The following RNFT1 variants were observed in gnomAD, a reference collection of about 807,000 sequenced individuals.
The protein encoded by RNFT1 is ring finger protein, transmembrane 1.
RNFT1 carries 35 observed loss-of-function variants against 53.2 expected under a neutral mutation model. The observed-to-expected ratio is 0.66, with a 90% CI of 0.50 to 0.87. The LOEUF is 0.87. RNFT1 is among the 40% of genes least tolerant of loss of function. The pLI is 0.00. For synonymous variants in RNFT1, 141 were observed against 172.8 expected, an observed-to-expected ratio of 0.82 and a Z score of 1.44; for missense variants, 421 against 515.0, an observed-to-expected ratio of 0.82 and a Z score of 1.77.
intron 3 of RNFT1, 26 bp downstream of exon 3, chr17:59,962,514 A>T (rs1292607314): frequency 7.0e-7 from 1 of 1,428,960 alleles, no homozygotes; most frequent in East Asian, 2.3e-5. Context: ...ACAGTTAATA[A>T]TTTTTTAGTT....
chr17:59,961,925 G>T (rs2045295990), intron 3 of RNFT1, among the ~76,000 whole-genome samples: 1 of 118,142 alleles, frequency 8.5e-6, no homozygotes, highest in Non-Finnish European at 1.6e-5. Flanking sequence ...TCGTTCTGTA[G>T]CCCACGCTGG....
intron 6 of RNFT1, 24 bp downstream of exon 6, chr17:59,957,200 G>A: frequency 1.2e-6 from 2 of 1,600,914 alleles, no homozygotes; most frequent in South Asian, 1.1e-5. Flanking sequence ...ATCATGCAGT[G>A]ACAAGATTTG....
In RNFT1 at chr17:59,960,058, C is replaced by T. The variant is rs759415109; in HGVS notation, c.692+10G>A. 34 of 1,582,354 alleles carry T rather than the reference C, an allele frequency of 2.1e-5. No individual in the cohort carries two copies. Among genetic ancestry groups the T allele is most frequent in the Non-Finnish European group, 2.9e-5 (34 of 1,167,354 alleles). On this transcript the variant is annotated intron_variant, in intron 4 of 8. Transcript: ENST00000305783. ...TAAAAATGTAATTGTGTATTTGGAC[C>T]TCTAATTACCTGTAATAAAGTGACT... is the stretch of plus-strand genomic sequence containing the variant.
intron 1 of RNFT1, among the ~76,000 whole-genome samples, chr17:59,963,929 CATAG>C (rs1168339873): frequency 2.6e-5 from 4 of 152,078 alleles, no homozygotes; most frequent in South Asian, 2.1e-4. Flanking sequence ...ACATTTAAAG[CATAG>C]ATACTTTGGA....
intron 5 of RNFT1, among the ~76,000 whole-genome samples, chr17:59,957,843 TCAAAA>T (rs1423973972): frequency 2.0e-5 from 3 of 151,848 alleles, no homozygotes; most frequent in Non-Finnish European, 4.4e-5. Flanking sequence ...AGAGACAATC[TCAAAA>T]CAAAACAAAA....
rs376215881 is a variant in RNFT1, at chr17:59,963,219, T to C, written c.122A>G (p.Asn41Ser). 2.0e-5 allele frequency: 33 copies of C among 1,613,984 alleles called. No homozygotes were observed. In the African/African-American group the frequency reaches 2.8e-4, roughly 14 times the overall value. The change falls in exon 2 of 9, where the codon AAT (asparagine) becomes AGT (serine). Residue 41 changes from asparagine (N) to serine (S), a missense_variant. Asn to Ser is a conservative substitution (Grantham distance 46). Transcript: ENST00000305783. ...EKKYLRAMQANRSQLHSPPGT... is the reference protein window; with the variant it reads ...EKKYLRAMQASRSQLHSPPGT... ...TGGAGGACTGTGCAGTTGGCTACGATTGGCTTGCATGGCCCTTAAATACTT... is the reference window on the plus strand; with the variant it reads ...TGGAGGACTGTGCAGTTGGCTACGACTGGCTTGCATGGCCCTTAAATACTT...
At chr17:59,953,993 A>C (rs1033190483) in intron 8 of RNFT1, 52 bp downstream of exon 8, 2 of 1,148,722 alleles carry the variant, frequency 1.7e-6, no homozygotes. Context: ...TGACTTTTGC[A>C]AGTCACAGAG....
intron 5 of RNFT1, 24 bp downstream of exon 5, chr17:59,958,267 A>G (rs560879545): frequency 1.3e-6 from 2 of 1,570,992 alleles, no homozygotes; most frequent in East Asian, 2.3e-5. Context: ...CATCACTCCA[A>G]TAAAGCATAA....
At position 59,963,764 on chromosome 17, in the gene RNFT1, T is replaced by C. The variant is rs142157351; in HGVS notation, c.57-480A>G. Among the ~76,000 whole-genome samples, 10 of 152,312 alleles carry C rather than the reference T, an allele frequency of 6.6e-5. No individual in the cohort carries two copies. The East Asian group carries it at 9.6e-4, about 15-fold the overall frequency. On this transcript the variant is annotated intron_variant, in intron 1 of 8. Transcript: ENST00000305783. ...ACAACATTAAATCTTAATGCCTTAT[T>C]ATCATCATAGGTAACTAATAATAAA...
intron 1 of RNFT1, among the ~76,000 whole-genome samples, chr17:59,963,521 G>A (rs1005238935): frequency 4.6e-5 from 7 of 151,860 alleles, no homozygotes; most frequent in African/African-American, 7.3e-5. Context: ...AGCTGCAAAT[G>A]CTTCCAGTTC....
chr17:59,957,415 C>T (rs1249778727), intron 5 of RNFT1, 33 bp from the exon 6 acceptor site: 30 of 1,559,540 alleles, frequency 1.9e-5, no homozygotes, highest in Non-Finnish European at 2.6e-5. Flanking sequence ...ATAGAGCTAC[C>T]CAAACTACTT....
rs911632296 is a variant in RNFT1 at position 59,952,884 on chromosome 17, TC to T, written c.*92del. On this transcript the variant is annotated 3_prime_UTR_variant, in exon 9 of 9. Coordinates refer to ENST00000305783, the MANE Select transcript of RNFT1 (RefSeq NM_016125.4). ...TTCTAAAACCATCTGGAAACATTTT[TC>T]TGGTAGCCCTGAAAATCCATTCTGA... 2 of 1,219,680 alleles carry T rather than the reference TC, an allele frequency of 1.6e-6. No homozygotes were observed. Among genetic ancestry groups the T allele is most frequent in the Non-Finnish European group, 2.3e-6 (2 of 875,974 alleles). 75.6% of individuals were successfully genotyped at this position (1,219,680 alleles called of 1,614,324 possible).
chr17:59,952,436 C>T lies in RNFT1; in HGVS notation c.*541G>A, dbSNP rs2045226217. On this transcript the variant is annotated 3_prime_UTR_variant, in exon 9 of 9. Coordinates refer to ENST00000305783, the MANE Select transcript of RNFT1 (RefSeq NM_016125.4). ...TAATACAATACTATAATGTATCATC[C>T]TCAGTAAATTAATCTTCACTTAGAA... is the stretch of plus-strand genomic sequence containing the variant. 1 of 152,164 alleles carries T rather than the reference C, an allele frequency of 6.6e-6. No individual in the cohort carries two copies. Among genetic ancestry groups the T allele is most frequent in the African/African-American group, 2.4e-5 (1 of 41,384 alleles). The allele number at this position is 152,164 out of a possible 1,614,324, so 9.4% of individuals were successfully genotyped here. A position where few individuals can be genotyped will look rare whatever the true frequency, so the allele number is the denominator to read the frequency against.
rs755689560 is a variant in RNFT1 at position 59,955,024 on chromosome 17, CT to C, written c.1072-879del. Among the ~76,000 whole-genome samples the C allele has an allele frequency of 5.9e-5, 9 of 152,204 alleles. No individual in the cohort carries two copies. In the South Asian group the frequency reaches 1.9e-3, roughly 32 times the overall value. On this transcript the variant is annotated intron_variant, in intron 7 of 8. Coordinates refer to ENST00000305783, the MANE Select transcript of RNFT1 (RefSeq NM_016125.4). ...ATCAAAATGTTACAAATGAAACCTG[CT>C]TTCTGTAGAAATGATGGGGAAGAGG...
At chr17:59,958,120 T>C (rs2045265567) in intron 5 of RNFT1, among the ~76,000 whole-genome samples, 171 bp downstream of exon 5, 1 of 152,226 alleles carries the variant, frequency 6.6e-6, no homozygotes, top group Non-Finnish European at 1.5e-5. Context: ...AATAGGTTAA[T>C]AATCAGGTTC....
intron 8 of RNFT1, among the ~76,000 whole-genome samples, chr17:59,953,720 G>C (rs1050458890): frequency 1.3e-5 from 2 of 152,158 alleles, no homozygotes; most frequent in African/African-American, 4.8e-5. Flanking sequence ...CTGCCATAAA[G>C]TATAGGAAAG....
rs781480128 is a variant in RNFT1 at position 59,962,569 on chromosome 17, T to C, written c.562A>G (p.Lys188Glu). The C allele has an allele frequency of 1.2e-6, 2 of 1,607,190 alleles. No individual in the cohort carries two copies. The highest frequency in any genetic ancestry group is 1.7e-6 in the Non-Finnish European group (2 of 1,178,024). The stretch of plus-strand genomic sequence containing the variant: ...AGAAAAACCTGATTTACAATGCTTT[T>C]GTTTGCATACATAAAAGTTGTTAGC... Reference protein sequence around the residue: ...GLLTTFMYANKSIVNQVFLRE... With the variant: ...GLLTTFMYANESIVNQVFLRE... Residue 188 changes from lysine to glutamate, a missense_variant, in exon 3 of 9, where the codon AAA (lysine) becomes GAA (glutamate). By Grantham distance (56) the Lys-to-Glu change is moderately conservative. Transcript: ENST00000305783.
In RNFT1 at chr17:59,952,647, A is replaced by AAGGT. The variant is rs201862459; in HGVS notation, c.*329_*330insACCT. The AAGGT allele has an allele frequency of 0.029, 4,974 of 171,686 alleles. 89 individuals carry two copies. Among genetic ancestry groups the AAGGT allele is most frequent in the Middle Eastern group, 0.043 (16 of 372 alleles). The allele number at this position is 171,686 out of a possible 1,614,324, so 10.6% of individuals were successfully genotyped here. On this transcript the variant is annotated 3_prime_UTR_variant, in exon 9 of 9. Transcript: ENST00000305783. ...ATTCTGAAAACAATGTCAGGAAAGA[A>AAGGT]TACCTGAGTTCTCTAAAACCACTAG...
chr17:59,964,167 C>A (rs1389579758), intron 1 of RNFT1, among the ~76,000 whole-genome samples: 1 of 152,176 alleles, frequency 6.6e-6, no homozygotes, highest in Non-Finnish European at 1.5e-5. Flanking sequence ...GAGGCTATCC[C>A]ACACTGCCGT....
Sources: gnomAD v4.1 joint callset for allele counts (sites outside exome capture counted in the v4.1 genomes callset) on GRCh38, gnomAD v4.1.1 for gene constraint, MANE v1.5 for transcripts, NCBI Gene and HGNC (gene_info 2026-07-23, HGNC 2026-07-21) for gene names.